CBY1: variants seen among roughly 807,000 people sequenced by gnomAD.
The protein encoded by CBY1 is chibby 1, beta catenin antagonist.
Under a neutral mutation model 15.6 loss-of-function variants are expected in CBY1, and 10 were observed. The ratio of observed to expected loss-of-function variants is 0.64; its 90% confidence interval spans 0.40 to 1.09. The LOEUF (loss-of-function observed/expected upper bound fraction) is 1.09. CBY1 is among the 50% of genes least tolerant of loss of function. The pLI is 0.01. For missense variants in CBY1, 150 were observed against 160.5 expected (o/e 0.93, Z 0.35); for synonymous variants, 61 against 63.5 (o/e 0.96, Z 0.19).
chr22:38,663,697 CAA>C (rs35974746), intron 1 of CBY1, among the ~76,000 whole-genome samples: 146 of 76,408 alleles, frequency 1.9e-3, no homozygotes, highest in East Asian at 5.1e-3. Flanking sequence ...ACTCTGTCTC[CAA>C]AAAAAAAAAA....
In CBY1 at chr22:38,670,909, A is replaced by G; in HGVS notation, c.104A>G (p.Glu35Gly). ...TTGGATCGATCAACCCGGGAGGTGG[A>G]GCTGGGCTTGGAATACGGATCCCCG... ...HSLDRSTREVELGLEYGSPTM... is the reference protein window; with the variant it reads ...HSLDRSTREVGLGLEYGSPTM... The change falls in exon 3 of 5, where the codon GAG becomes GGG. Residue 35 changes from glutamate to glycine, a missense_variant. Coordinates refer to ENST00000216029, the MANE Select transcript of CBY1 (RefSeq NM_015373.4). 2 of 1,614,184 alleles carry G rather than the reference A, an allele frequency of 1.2e-6. No homozygotes were observed. Among genetic ancestry groups the G allele is most frequent in the Non-Finnish European group, 1.7e-6 (2 of 1,180,016 alleles).
intron 2 of CBY1, chr22:38,670,043 A>G (rs1429919992): frequency 2.0e-5 from 3 of 152,226 alleles, no homozygotes; most frequent in Admixed American, 6.5e-5. Context: ...AGCCTGGCCA[A>G]TATGGTGAAA....
At chr22:38,659,947 AT>A (rs2092417480) in intron 1 of CBY1, among the ~76,000 whole-genome samples, 1 of 150,392 alleles carries the variant, frequency 6.6e-6, no homozygotes, top group African/African-American at 2.4e-5. Flanking sequence ...TTTTACTGTT[AT>A]CAACAATAGA....
In CBY1 at chr22:38,667,978, G is replaced by A. The variant is rs929611562; in HGVS notation, c.-38-39G>A. The A allele has an allele frequency of 1.4e-5, 15 of 1,102,494 alleles. No individual in the cohort carries two copies. The East Asian group carries it at 3.6e-4, about 26-fold the overall frequency. 68.3% of individuals were successfully genotyped at this position (1,102,494 alleles called of 1,614,324 possible). A position where few individuals can be genotyped will look rare whatever the true frequency, so the allele number is the denominator to read the frequency against. ...TTGAAGACAATGGCATAAGGTCAGTGATCCAGCTGCTTGTACCCCTGACTT... is the reference window on the plus strand; with the variant it reads ...TTGAAGACAATGGCATAAGGTCAGTAATCCAGCTGCTTGTACCCCTGACTT... On this transcript the variant is annotated intron_variant, in intron 1 of 4. Coordinates refer to ENST00000216029, the MANE Select transcript of CBY1 (RefSeq NM_015373.4).
At position 38,671,732 on chromosome 22, in the gene CBY1, T is replaced by C. The variant is rs917932407; in HGVS notation, c.303+544T>C. On this transcript the variant is annotated intron_variant, in intron 4 of 4. Transcript: ENST00000216029. ...TTCAGAGGCAGGAGAGCATACACTG[T>C]AGTGGTTAAGAGCACACACTCCAGA... 1.9e-5 allele frequency: 3 copies of C among 155,964 alleles called. No individual in the cohort carries two copies. In the East Asian group the frequency reaches 5.6e-4, roughly 29 times the overall value. 9.7% of individuals were successfully genotyped at this position (155,964 alleles called of 1,614,324 possible).
chr22:38,672,223 C>T (rs1298991181), intron 4 of CBY1, among the ~76,000 whole-genome samples: 1 of 150,440 alleles, frequency 6.6e-6, no homozygotes, highest in Non-Finnish European at 1.5e-5. Flanking sequence ...GATCGCGCCA[C>T]TGTACTCTAG....
At chr22:38,662,613 C>T (rs1371878443) in intron 1 of CBY1, among the ~76,000 whole-genome samples, 1 of 152,054 alleles carries the variant, frequency 6.6e-6, no homozygotes, top group African/African-American at 2.4e-5. Flanking sequence ...ACCTCTGCCT[C>T]CTGAATAGCT....
At chr22:38,659,860 T>TAA (rs1242072270) in intron 1 of CBY1, among the ~76,000 whole-genome samples, 1 of 67,676 alleles carries the variant, frequency 1.5e-5, no homozygotes, top group Non-Finnish European at 2.9e-5. Flanking sequence ...AGACTCTGTC[T>TAA]CAAAAAAAAA....
chr22:38,672,456 T>C (rs549108640), intron 4 of CBY1, among the ~76,000 whole-genome samples: 1 of 151,854 alleles, frequency 6.6e-6, no homozygotes, highest in Non-Finnish European at 1.5e-5. Flanking sequence ...AGCCTCCTGA[T>C]TAGCACCCGC....
intron 1 of CBY1, chr22:38,665,469 A>G: frequency 2.6e-6 from 1 of 384,776 alleles, no homozygotes; most frequent in Non-Finnish European, 4.6e-6. Context: ...TGTCTCAAGA[A>G]ACACAAAACA....
chr22:38,664,238 G>T (rs1221469861), intron 1 of CBY1, among the ~76,000 whole-genome samples: 4 of 151,920 alleles, frequency 2.6e-5, no homozygotes, highest in African/African-American at 9.7e-5. Flanking sequence ...TTGGGAGGCT[G>T]TGGCGGGCAG....
chr22:38,667,013 T>TC (rs201214578), intron 1 of CBY1, among the ~76,000 whole-genome samples: 2,686 of 128,292 alleles, frequency 0.021, 54 homozygotes, highest in East Asian at 0.12. Flanking sequence ...TTTCTTTCTT[T>TC]ATTTTTTTTT....
intron 1 of CBY1, among the ~76,000 whole-genome samples, chr22:38,657,337 T>C (rs1049348706): frequency 2.6e-5 from 4 of 152,174 alleles, no homozygotes; most frequent in Admixed American, 2.0e-4. Context: ...GTACTATTAT[T>C]ATTCCTCAGT....
At chr22:38,671,559 G>A (rs574852674) in intron 4 of CBY1, 34 of 280,980 alleles carry the variant, frequency 1.2e-4, no homozygotes, top group African/African-American at 4.6e-4. Flanking sequence ...GGGTAGAGCC[G>A]GCTCATGGCT....
At chr22:38,659,735 G>A (rs1304002276) in intron 1 of CBY1, among the ~76,000 whole-genome samples, 2 of 151,780 alleles carry the variant, frequency 1.3e-5, no homozygotes, top group East Asian at 2.0e-4. Context: ...GGTGGCAGGC[G>A]CCTGTAGTCC....
chr22:38,662,310 A>AAT, intron 1 of CBY1, among the ~76,000 whole-genome samples: 1 of 151,464 alleles, frequency 6.6e-6, no homozygotes, highest in Admixed American at 6.6e-5. Flanking sequence ...TCAAAAAAAA[A>AAT]AATAAATAAA....
At chr22:38,662,635 C>T (rs1225880987) in intron 1 of CBY1, among the ~76,000 whole-genome samples, 7 of 152,112 alleles carry the variant, frequency 4.6e-5, no homozygotes, top group Non-Finnish European at 8.8e-5. Flanking sequence ...GGACCACAGG[C>T]GTACACCACC....
chr22:38,671,191 G>A lies in CBY1; in HGVS notation c.303+3G>A, dbSNP rs774162147. 1.6e-5 allele frequency: 26 copies of A among 1,600,762 alleles called. No homozygotes were observed. Among genetic ancestry groups the A allele is most frequent in the Non-Finnish European group, 2.0e-5 (23 of 1,168,160 alleles). On this transcript the variant is annotated splice_donor_region_variant and intron_variant, in intron 4 of 4. Coordinates refer to ENST00000216029, the MANE Select transcript of CBY1 (RefSeq NM_015373.4). Reference sequence around the variant, plus strand: ...AAGTGGACATCTTATTAGACATGGTGAGGCAGGTGATGGGGAAGAGAGGCC... The same window carrying A: ...AAGTGGACATCTTATTAGACATGGTAAGGCAGGTGATGGGGAAGAGAGGCC...
intron 1 of CBY1, among the ~76,000 whole-genome samples, chr22:38,659,158 A>C (rs1442893421): frequency 4.6e-5 from 7 of 150,708 alleles, no homozygotes; most frequent in African/African-American, 1.7e-4. Flanking sequence ...CTGGTCTCGA[A>C]CTCCTGGCGT....
Sources: gnomAD v4.1 joint callset for allele counts (sites outside exome capture counted in the v4.1 genomes callset) on GRCh38, gnomAD v4.1.1 for gene constraint, MANE v1.5 for transcripts, NCBI Gene and HGNC (gene_info 2026-07-23, HGNC 2026-07-21) for gene names.